ARHGAP26: variants seen among roughly 807,000 people sequenced by gnomAD.
ARHGAP26 encodes the protein Rho GTPase activating protein 26, also known as rho GTPase-activating protein 26.
A neutral mutation model predicts 104.8 loss-of-function variants in ARHGAP26; 38 were observed. That is an observed-to-expected ratio of 0.36 (90% CI 0.28 to 0.48). The LOEUF (loss-of-function observed/expected upper bound fraction) is 0.48, where lower values mean the gene tolerates loss of function less well. Ranked by LOEUF, ARHGAP26 falls within the 20% of genes least tolerant of loss-of-function variation. The pLI, the probability that ARHGAP26 is intolerant of heterozygous loss-of-function variation, is 0.99. For missense variants in ARHGAP26, 704 were observed against 947.9 expected (o/e 0.74, Z 3.38); for synonymous variants, 341 against 340.0 (o/e 1.00, Z -0.03).
At chr5:143,118,178 C>T (rs533253243) in intron 17 of ARHGAP26, among the ~76,000 whole-genome samples, 2 of 152,198 alleles carry the variant, frequency 1.3e-5, no homozygotes, top group East Asian at 3.9e-4. Flanking sequence ...ACATTTCAGG[C>T]AGAGGAATGA....
intron 13 of ARHGAP26, among the ~76,000 whole-genome samples, chr5:143,040,140 CTT>C (rs1783241205): frequency 6.6e-6 from 1 of 152,194 alleles, no homozygotes; most frequent in African/African-American, 2.4e-5. Flanking sequence ...ACACTTAAGA[CTT>C]TTCAAGCCCA....
intron 1 of ARHGAP26, among the ~76,000 whole-genome samples, chr5:142,773,531 TAG>T (rs1755678935): frequency 6.6e-6 from 1 of 152,232 alleles, no homozygotes; most frequent in Non-Finnish European, 1.5e-5. Flanking sequence ...AAATTCTTTA[TAG>T]ATCTAGATCC....
At chr5:142,870,995 C>G in intron 1 of ARHGAP26, among the ~76,000 whole-genome samples, 1 of 152,222 alleles carries the variant, frequency 6.6e-6, no homozygotes, top group African/African-American at 2.4e-5. Flanking sequence ...ATTCCTCTAT[C>G]AAGCCTGAGG....
intron 1 of ARHGAP26, among the ~76,000 whole-genome samples, chr5:142,840,993 T>C (rs980801871): frequency 6.6e-6 from 1 of 152,186 alleles, no homozygotes; most frequent in African/African-American, 2.4e-5. Context: ...ATTTCATAAG[T>C]TCATGAAAAC....
intron 11 of ARHGAP26, among the ~76,000 whole-genome samples, chr5:142,990,979 C>G (rs1361424293): frequency 6.6e-6 from 1 of 152,194 alleles, no homozygotes; most frequent in Non-Finnish European, 1.5e-5. Context: ...AACCACTACT[C>G]TCTTCAAAGC....
In ARHGAP26 at chr5:143,196,350, C is replaced by T. The variant is rs538030148; in HGVS notation, c.1989-10848C>T. 6.6e-5 allele frequency among the ~76,000 whole-genome samples: 10 copies of T among 152,102 alleles called. No individual in the cohort carries two copies. In the South Asian group the frequency reaches 2.1e-3, roughly 32 times the overall value. ...ATAAATACAGTCCATTCTTGTTTTTCGCGGTAGTCATGTTCTATAAAGTCA... is the reference window on the plus strand; with the variant it reads ...ATAAATACAGTCCATTCTTGTTTTTTGCGGTAGTCATGTTCTATAAAGTCA... On this transcript the variant is annotated intron_variant, in intron 20 of 22. Coordinates refer to ENST00000645722, the MANE Select transcript of ARHGAP26 (RefSeq NM_001135608.3).
At chr5:143,037,704 C>T (rs534891474) in intron 13 of ARHGAP26, among the ~76,000 whole-genome samples, 4 of 152,240 alleles carry the variant, frequency 2.6e-5, no homozygotes, top group Admixed American at 6.5e-5. Context: ...TTGCAGGTAC[C>T]GCTAATGCTC....
chr5:143,050,019 T>C (rs1290954752), intron 14 of ARHGAP26, among the ~76,000 whole-genome samples: 1 of 152,210 alleles, frequency 6.6e-6, no homozygotes, highest in African/African-American at 2.4e-5. Context: ...CCCCAGAAAG[T>C]AGCCCCCAAA....
chr5:143,015,649 T>C (rs891768537), intron 12 of ARHGAP26, among the ~76,000 whole-genome samples: 2 of 152,132 alleles, frequency 1.3e-5, no homozygotes, highest in African/African-American at 4.8e-5. Context: ...CCAAGCAGGC[T>C]ACACTAACAG....
chr5:142,845,244 C>CGTCT (rs1179691783), intron 1 of ARHGAP26, among the ~76,000 whole-genome samples: 2 of 152,010 alleles, frequency 1.3e-5, no homozygotes, highest in Non-Finnish European at 2.9e-5. Context: ...GTGTGTTGAT[C>CGTCT]GTCTGTTCTG....
intron 22 of ARHGAP26, among the ~76,000 whole-genome samples, chr5:143,217,391 C>A (rs1012891696): frequency 2.0e-5 from 3 of 152,142 alleles, no homozygotes; most frequent in Non-Finnish European, 4.4e-5. Context: ...GGAAACTGTC[C>A]ATTTCAACAA....
At chr5:143,005,158 G>C (rs1777762434) in intron 11 of ARHGAP26, among the ~76,000 whole-genome samples, 1 of 152,134 alleles carries the variant, frequency 6.6e-6, no homozygotes. Context: ...GTATGTTATT[G>C]ATATACTATA....
chr5:142,923,887 A>T (rs1171854299), intron 10 of ARHGAP26, among the ~76,000 whole-genome samples: 4 of 107,148 alleles, frequency 3.7e-5, no homozygotes, highest in African/African-American at 1.5e-4. Flanking sequence ...TTTGATACGG[A>T]GTCCTGCTCT....
rs141398585 is a variant in ARHGAP26, at chr5:143,130,613, A to G, written c.1699-3354A>G. 2.0e-5 allele frequency among the ~76,000 whole-genome samples: 3 copies of G among 152,336 alleles called. No individual in the cohort carries two copies. In the East Asian group the frequency reaches 5.8e-4, roughly 29 times the overall value. On this transcript the variant is annotated intron_variant, in intron 18 of 22. Transcript: ENST00000645722. ...GAAAACTTCATTTGATTCTCTTGAA[A>G]TCATCCCTTCCAAAATGAAATAGGA...
intron 11 of ARHGAP26, among the ~76,000 whole-genome samples, chr5:142,987,935 A>G (rs940058403): frequency 3.3e-5 from 5 of 152,204 alleles, no homozygotes; most frequent in African/African-American, 4.8e-5. Context: ...GATATTCATC[A>G]GGGATATTGG....
intron 1 of ARHGAP26, among the ~76,000 whole-genome samples, chr5:142,838,632 C>T (rs916745522): frequency 2.0e-5 from 3 of 152,152 alleles, no homozygotes; most frequent in African/African-American, 4.8e-5. Flanking sequence ...TAAATGAATT[C>T]GTAAGCATCT....
intron 11 of ARHGAP26, among the ~76,000 whole-genome samples, chr5:142,992,554 A>G (rs984061854): frequency 1.3e-5 from 2 of 151,480 alleles, no homozygotes; most frequent in African/African-American, 4.9e-5. Flanking sequence ...CAGCCTCCCA[A>G]GTAGCTGGGA....
At chr5:142,917,851 A>T (rs938385261) in intron 10 of ARHGAP26, among the ~76,000 whole-genome samples, 2 of 152,048 alleles carry the variant, frequency 1.3e-5, no homozygotes, top group Admixed American at 1.3e-4. Context: ...TTTTATTTTT[A>T]AGGTGACACT....
intron 11 of ARHGAP26, among the ~76,000 whole-genome samples, chr5:142,956,419 T>A (rs1489197199): frequency 6.6e-6 from 1 of 151,926 alleles, no homozygotes; most frequent in Non-Finnish European, 1.5e-5. Flanking sequence ...CTACTAAAAA[T>A]TTTAAAAATT....
Sources: gnomAD v4.1 joint callset for allele counts (sites outside exome capture counted in the v4.1 genomes callset) on GRCh38, gnomAD v4.1.1 for gene constraint, MANE v1.5 for transcripts, NCBI Gene and HGNC (gene_info 2026-07-23, HGNC 2026-07-21) for gene names.